Variants in RASEF observed in about 807,000 individuals in gnomAD.
RASEF encodes ras and EF-hand domain-containing protein.
RASEF carries 68 observed loss-of-function variants against 90.1 expected under a neutral mutation model. The ratio of observed to expected loss-of-function variants is 0.75; its 90% CI spans 0.62 to 0.92. RASEF has a LOEUF of 0.92. Among genes scored for constraint, RASEF ranks in the 40% least tolerant of loss-of-function variants. The probability of loss-of-function intolerance (pLI) is 0.00; values close to 1 mark genes in which losing one functional copy is unlikely to be tolerated. For synonymous variants in RASEF, 331 were observed against 345.2 expected (o/e 0.96, Z 0.46); for missense variants, 949 against 937.2 (o/e 1.01, Z -0.16).
chr9:83,025,453 A>C (rs1829526742), intron 2 of RASEF, among the ~76,000 whole-genome samples: 1 of 152,254 alleles, frequency 6.6e-6, no homozygotes, highest in African/African-American at 2.4e-5. Flanking sequence ...CCAGGCTTCA[A>C]ATAGTGTTCC....
chr9:83,101,334 C>T, the RASEF span, among the ~76,000 whole-genome samples: 1 of 152,218 alleles, frequency 6.6e-6, no homozygotes, highest in Non-Finnish European at 1.5e-5. Flanking sequence ...TATTCGGGGT[C>T]TGCAGGTGCG....
chr9:83,097,763 G>A, the RASEF span, among the ~76,000 whole-genome samples: 1 of 152,078 alleles, frequency 6.6e-6, no homozygotes, highest in Admixed American at 6.5e-5. Flanking sequence ...TGCACACAGA[G>A]GACAGGGCAA....
the RASEF span, among the ~76,000 whole-genome samples, chr9:83,092,089 G>GA: frequency 8.1e-6 from 1 of 123,398 alleles, no homozygotes; most frequent in East Asian, 2.8e-4. Flanking sequence ...TCAGAGTTCT[G>GA]AAAAAAGTTG....
At chr9:83,203,491 G>C in the RASEF span, among the ~76,000 whole-genome samples, 19 of 152,104 alleles carry the variant, frequency 1.2e-4, no homozygotes, top group East Asian at 3.7e-3. Flanking sequence ...GGCCAGGCTG[G>C]TCTCAAACTC....
At chr9:83,093,083 G>T in the RASEF span, among the ~76,000 whole-genome samples, 2 of 142,960 alleles carry the variant, frequency 1.4e-5, no homozygotes, top group African/African-American at 2.6e-5. Flanking sequence ...CGATTGGTGC[G>T]CTCACAAACC....
At chr9:83,115,030 CAT>C in the RASEF span, among the ~76,000 whole-genome samples, 4 of 152,160 alleles carry the variant, frequency 2.6e-5, no homozygotes, top group African/African-American at 9.7e-5. Context: ...AACCTGCCGA[CAT>C]GTGATGTCTC....
chr9:83,161,069 G>A, the RASEF span, among the ~76,000 whole-genome samples: 1 of 152,176 alleles, frequency 6.6e-6, no homozygotes, highest in Non-Finnish European at 1.5e-5. Context: ...CCTCTGTCAG[G>A]GGAGTGCAGA....
At chr9:83,110,121 T>C in the RASEF span, among the ~76,000 whole-genome samples, 1 of 152,202 alleles carries the variant, frequency 6.6e-6, no homozygotes, top group African/African-American at 2.4e-5. Flanking sequence ...GTAGCATTAT[T>C]AAAGCCTCAG....
the RASEF span, among the ~76,000 whole-genome samples, chr9:83,157,543 C>T: frequency 4.7e-5 from 5 of 105,384 alleles, no homozygotes; most frequent in African/African-American, 1.5e-4. Flanking sequence ...TTTTGGACTT[C>T]CCAGCCTCTA....
chr9:83,208,689 A>C, the RASEF span, among the ~76,000 whole-genome samples: 1 of 152,168 alleles, frequency 6.6e-6, no homozygotes, highest in Non-Finnish European at 1.5e-5. Context: ...TGCCGCCCAC[A>C]AGACCGATAG....
the RASEF span, among the ~76,000 whole-genome samples, chr9:83,121,532 C>T: frequency 2.6e-5 from 4 of 152,244 alleles, no homozygotes; most frequent in Admixed American, 2.0e-4. Flanking sequence ...TTCACTAAAA[C>T]GTAATTATGT....
the RASEF span, among the ~76,000 whole-genome samples, chr9:83,154,270 C>A: frequency 1.3e-5 from 2 of 152,136 alleles, no homozygotes; most frequent in African/African-American, 4.8e-5. Flanking sequence ...TGTGGAAAGC[C>A]CTGTGAACTA....
intron 1 of RASEF, among the ~76,000 whole-genome samples, chr9:83,047,369 T>C (rs998908538): frequency 6.6e-6 from 1 of 152,166 alleles, no homozygotes; most frequent in Non-Finnish European, 1.5e-5. Flanking sequence ...AATACAACTT[T>C]TGCCTAAGGG....
At position 83,062,783 on chromosome 9, in the gene RASEF, C is replaced by A; in HGVS notation, c.85G>T (p.Glu29Ter). 2 of 1,557,162 alleles carry A rather than the reference C, an allele frequency of 1.3e-6. No individual in the cohort carries two copies. The highest frequency in any genetic ancestry group is 2.4e-5 in the East Asian group (1 of 41,900). Residue 29 changes from glutamate to a stop codon, truncating the protein, a stop_gained, in exon 1 of 17, where the codon GAG (glutamate) becomes TAG (stop). Coordinates refer to ENST00000376447, the MANE Select transcript of RASEF (RefSeq NM_152573.4). LOFTEE classifies it high-confidence loss of function. ...ACDANRSGRL[E>*]REEFRALCTE... is the part of the protein sequence containing the mutation. ...CACAGTGCCCGGAACTCCTCGCGCT[C>A]CAGGCGCCCCGAGCGGTTCGCGTCG...
the RASEF span, among the ~76,000 whole-genome samples, chr9:83,175,954 T>A: frequency 6.6e-6 from 1 of 152,328 alleles, no homozygotes; most frequent in African/African-American, 2.4e-5. Context: ...TTTTTACATC[T>A]GCACTTGAGA....
the RASEF span, among the ~76,000 whole-genome samples, chr9:83,078,848 T>C: frequency 1.3e-5 from 2 of 152,224 alleles, no homozygotes; most frequent in African/African-American, 4.8e-5. Context: ...ATATATGTCT[T>C]CTTTTGAGAA....
chr9:83,114,707 G>A, the RASEF span, among the ~76,000 whole-genome samples: 1 of 152,164 alleles, frequency 6.6e-6, no homozygotes, highest in African/African-American at 2.4e-5. Flanking sequence ...GTCTCCTGTA[G>A]CACTCCCAGG....
At chr9:83,142,903 G>GACAA in the RASEF span, among the ~76,000 whole-genome samples, 1 of 151,930 alleles carries the variant, frequency 6.6e-6, no homozygotes, top group African/African-American at 2.4e-5. Context: ...TTATAAAACA[G>GACAA]AACAAGATTA....
chr9:83,086,277 AT>A, the RASEF span, among the ~76,000 whole-genome samples: 7 of 151,958 alleles, frequency 4.6e-5, no homozygotes, highest in Admixed American at 1.3e-4. Flanking sequence ...TCGTAGATTC[AT>A]TTTTTTTATA....
Sources: gnomAD v4.1 joint callset for allele counts (sites outside exome capture counted in the v4.1 genomes callset) on GRCh38, gnomAD v4.1.1 for gene constraint, MANE v1.5 for transcripts, NCBI Gene and HGNC (gene_info 2026-07-23, HGNC 2026-07-21) for gene names.